Variants in NFATC1 observed in about 807,000 individuals in gnomAD.
NFATC1 encodes the protein nuclear factor of activated T-cells, cytoplasmic 1.
Under a neutral mutation model 76.0 loss-of-function variants are expected in NFATC1, and 22 were observed. That is an observed-to-expected ratio of 0.29 (90% confidence interval 0.21 to 0.41). The LOEUF (loss-of-function observed/expected upper bound fraction) is 0.41. Ranked by LOEUF, NFATC1 falls within the 10% of genes least tolerant of loss-of-function variation. The pLI is 1.00. For missense variants in NFATC1, 1,357 were observed against 1,337.7 expected (o/e 1.01, Z -0.23); for synonymous variants, 704 against 613.1 (o/e 1.15, Z -2.19).
intron 2 of NFATC1, among the ~76,000 whole-genome samples, chr18:79,423,080 A>G (rs2086156218): frequency 1.3e-5 from 2 of 151,408 alleles, no homozygotes; most frequent in African/African-American, 4.9e-5. Context: ...CTCACGAGAT[A>G]CAGGGGTGGA....
chr18:79,497,498 G>A (rs2089919112), intron 9 of NFATC1: 1 of 152,220 alleles, frequency 6.6e-6, no homozygotes, highest in Non-Finnish European at 1.5e-5. Context: ...TCCTGGAAAA[G>A]GCCCGTTCCG....
At position 79,453,817 on chromosome 18, in the gene NFATC1, TACAC is replaced by T. The variant is rs140527771; in HGVS notation, c.1903+2007_1903+2010del. Among the ~76,000 whole-genome samples the T allele has an allele frequency of 6.5e-3, 992 of 152,350 alleles. 13 individuals are homozygous for T. Among genetic ancestry groups the T allele is most frequent in the African/African-American group, 0.022 (900 of 41,572 alleles). ...TTGAATAAGATAATTTGCATATTCA[TACAC>T]ACACAAGCACATTCCATGTTTTCAA... On this transcript the variant is annotated intron_variant, in intron 6 of 9. Coordinates refer to ENST00000427363, the MANE Select transcript of NFATC1 (RefSeq NM_001278669.2).
chr18:79,399,995 C>T (rs2085132359), intron 1 of NFATC1, among the ~76,000 whole-genome samples: 1 of 151,958 alleles, frequency 6.6e-6, no homozygotes, highest in East Asian at 1.9e-4. Context: ...AAAAAAAATT[C>T]CGTCGCCCTG....
At chr18:79,418,233 T>C (rs1333364892) in intron 2 of NFATC1, among the ~76,000 whole-genome samples, 1 of 152,112 alleles carries the variant, frequency 6.6e-6, no homozygotes, top group Non-Finnish European at 1.5e-5. Flanking sequence ...CACCATGCCT[T>C]GCGACGCTCT....
intron 2 of NFATC1, among the ~76,000 whole-genome samples, chr18:79,418,378 A>G (rs1243859587): frequency 6.6e-6 from 1 of 152,066 alleles, no homozygotes; most frequent in Admixed American, 6.5e-5. Flanking sequence ...AGACCCCGCA[A>G]CCTACACTCC....
At chr18:79,453,615 T>C (rs1325317950) in intron 6 of NFATC1, among the ~76,000 whole-genome samples, 1 of 152,188 alleles carries the variant, frequency 6.6e-6, no homozygotes, top group East Asian at 1.9e-4. Context: ...TGTCTGCCCA[T>C]GTCCTCCTCT....
chr18:79,475,612 CGTT>C (rs1447019724), intron 8 of NFATC1, among the ~76,000 whole-genome samples: 38 of 149,238 alleles, frequency 2.5e-4, no homozygotes, highest in African/African-American at 7.9e-4. Context: ...TCACTGTCGA[CGTT>C]GTGAGGGAAG....
chr18:79,450,420 T>G (rs944460491), intron 4 of NFATC1, among the ~76,000 whole-genome samples: 22 of 148,436 alleles, frequency 1.5e-4, no homozygotes, highest in African/African-American at 4.2e-4. Context: ...TTTTATATAA[T>G]TATAAATATA....
rs1203531468 is a variant in NFATC1, at chr18:79,461,246, G to A, written c.1904-65G>A. 3 of 1,584,466 alleles carry A rather than the reference G, an allele frequency of 1.9e-6. No individual in the cohort carries two copies. In the African/African-American group the frequency reaches 4.0e-5, roughly 21 times the overall value. ...AGGGCCCTGGGTCTGGATCACGTGG[G>A]GGTGTCTGGGGAGGGGGCTCCCCAC... On this transcript the variant is annotated intron_variant, in intron 6 of 9. Transcript: ENST00000427363.
chr18:79,510,177 G>A (rs2090210276), intron 9 of NFATC1, among the ~76,000 whole-genome samples: 1 of 152,222 alleles, frequency 6.6e-6, no homozygotes, highest in African/African-American at 2.4e-5. Flanking sequence ...AGGTTCCCGG[G>A]CCGTCACTTC....
In NFATC1 at chr18:79,486,948, G is replaced by A. The variant is rs779522366; in HGVS notation, c.2782+11G>A. The A allele has an allele frequency of 3.0e-5, 47 of 1,580,756 alleles. No homozygotes were observed. The highest frequency in any genetic ancestry group is 5.4e-5 in the African/African-American group (4 of 74,258). On this transcript the variant is annotated intron_variant, in intron 9 of 9. Coordinates refer to ENST00000427363, the MANE Select transcript of NFATC1 (RefSeq NM_001278669.2). ...TGTACCTGGATGACGGTGAGTGCCCGCAGCCATGCAGGTGTGTGCCCCGCC... is the reference window on the plus strand; with the variant it reads ...TGTACCTGGATGACGGTGAGTGCCCACAGCCATGCAGGTGTGTGCCCCGCC...
intron 9 of NFATC1, among the ~76,000 whole-genome samples, chr18:79,512,727 G>A (rs1005581514): frequency 3.3e-5 from 5 of 152,232 alleles, no homozygotes; most frequent in African/African-American, 7.2e-5. Flanking sequence ...GGCTGTGGCT[G>A]CCGTTTGAAC....
intron 9 of NFATC1, among the ~76,000 whole-genome samples, chr18:79,490,435 G>A (rs1569026021): frequency 6.6e-6 from 1 of 151,916 alleles, no homozygotes; most frequent in Non-Finnish European, 1.5e-5. Flanking sequence ...AGGGCAGGGT[G>A]GTCCCTGGTG....
At position 79,480,028 on chromosome 18, in the gene NFATC1, C is replaced by T. The variant is rs529411345; in HGVS notation, c.2093-6220C>T. ...GGGGCACTGTGGCAGGAACAGGGCC[C>T]GCACCTGCAGGGTCAGCCCAGGCCA... is the stretch of plus-strand genomic sequence containing the variant. On this transcript the variant is annotated intron_variant, in intron 8 of 9. Coordinates refer to ENST00000427363, the MANE Select transcript of NFATC1 (RefSeq NM_001278669.2). Among the ~76,000 whole-genome samples the T allele has an allele frequency of 2.5e-4, 38 of 152,318 alleles. 1 individual carries two copies. The highest frequency in any genetic ancestry group is 6.7e-4 in the African/African-American group (28 of 41,568).
chr18:79,423,445 G>A (rs756378784), intron 2 of NFATC1, among the ~76,000 whole-genome samples: 2 of 152,202 alleles, frequency 1.3e-5, no homozygotes, highest in African/African-American at 2.4e-5. Flanking sequence ...CCTCCCATGC[G>A]GACCCGGGAT....
At chr18:79,420,435 C>T (rs1285671541) in intron 2 of NFATC1, among the ~76,000 whole-genome samples, 3 of 149,666 alleles carry the variant, frequency 2.0e-5, no homozygotes, top group Non-Finnish European at 4.4e-5. Flanking sequence ...GGACGCCTTT[C>T]CAGGTGACTT....
At chr18:79,483,184 A>G (rs566045203) in intron 8 of NFATC1, among the ~76,000 whole-genome samples, 1 of 95,522 alleles carries the variant, frequency 1.0e-5, no homozygotes, top group South Asian at 4.1e-4. Flanking sequence ...CTGGGGTGTA[A>G]TTCCAGCGTG....
rs781085351 is a variant in NFATC1 at position 79,410,506 on chromosome 18, G to T, written c.231G>T (p.Pro77=). 1 of 1,611,940 alleles carries T rather than the reference G, an allele frequency of 6.2e-7. No homozygotes were observed. Among genetic ancestry groups the T allele is most frequent in the Admixed American group, 1.7e-5 (1 of 60,016 alleles). The change falls in exon 2 of 10, where the codon CCG becomes CCT. Residue 77 remains proline (P), a synonymous_variant. Coordinates refer to ENST00000427363, the MANE Select transcript of NFATC1 (RefSeq NM_001278669.2). The surrounding 1 kb of genome is among the most constrained non-coding windows in gnomAD (Gnocchi z 6.7). ...APCHNLQTST[P]GIIPPADHPS... Reference sequence around the variant, plus strand: ...GCCACAACCTTCAGACCTCCACACCGGGCATCATCCCGCCGGCGGATCACC... The same window carrying T: ...GCCACAACCTTCAGACCTCCACACCTGGCATCATCCCGCCGGCGGATCACC...
At chr18:79,423,389 T>C (rs1019419377) in intron 2 of NFATC1, among the ~76,000 whole-genome samples, 9 of 152,222 alleles carry the variant, frequency 5.9e-5, no homozygotes, top group African/African-American at 2.2e-4. Context: ...AGGCTGCCCA[T>C]GCACCCGGCT....
Sources: allele counts gnomAD v4.1 joint callset (sites outside exome capture counted in the v4.1 genomes callset), GRCh38; gene constraint gnomAD v4.1.1; non-coding constraint Gnocchi (gnomAD v3.1); transcripts MANE v1.5; gene names NCBI Gene and HGNC (gene_info 2026-07-23, HGNC 2026-07-21).